The following TMED2 variants were observed in gnomAD, a reference collection of about 807,000 sequenced individuals.
The protein encoded by TMED2 is transmembrane p24 trafficking protein 2, also known as transmembrane emp24 domain-containing protein 2.
Under a neutral mutation model 17.5 loss-of-function variants are expected in TMED2, and 3 were observed. That is an observed-to-expected ratio of 0.17 (90% CI 0.08 to 0.44). TMED2 has a LOEUF of 0.44. Ranked by LOEUF, TMED2 falls within the 20% of genes least tolerant of loss-of-function variation. The pLI, the probability that TMED2 is intolerant of heterozygous loss-of-function variation, is 0.99. For synonymous variants in TMED2, 95 were observed against 91.0 expected, an observed-to-expected ratio of 1.04 and a Z score of -0.25; for missense variants, 149 against 254.8, an observed-to-expected ratio of 0.58 and a Z score of 2.83.
chr12:123,585,006 G>A (rs1364812486), intron 1 of TMED2, 190 bp downstream of exon 1: 3 of 676,020 alleles, frequency 4.4e-6, no homozygotes, highest in East Asian at 5.8e-5. Flanking sequence ...CTTTTCCCGC[G>A]ACTTGCCTGG....
chr12:123,586,959 G>A lies in TMED2; in HGVS notation c.373+20G>A. 6.4e-7 allele frequency: 1 copy of A among 1,558,434 alleles called. No homozygotes were observed. Among genetic ancestry groups the A allele is most frequent in the Non-Finnish European group, 8.7e-7 (1 of 1,149,914 alleles). ...CAGAAGGTGAGATGAACATTCAGAA[G>A]ATTTACATCACATTCCAAGAGCTAA... On this transcript the variant is annotated intron_variant, in intron 2 of 3. Transcript: ENST00000262225.
intron 3 of TMED2, among the ~76,000 whole-genome samples, chr12:123,591,865 G>C (rs1050760077): frequency 1.3e-5 from 2 of 152,158 alleles, no homozygotes; most frequent in Non-Finnish European, 2.9e-5. Context: ...GGGATTGCTT[G>C]GGAGCAAGCT....
chr12:123,584,981 A>C, intron 1 of TMED2, 165 bp downstream of exon 1: 4 of 830,512 alleles, frequency 4.8e-6, no homozygotes, highest in Non-Finnish European at 7.2e-6. Flanking sequence ...GGCCACGGCG[A>C]CCTCCTAACG....
At position 123,586,954 on chromosome 12, in the gene TMED2, CAGA is replaced by C. The variant is rs1420682148; in HGVS notation, c.373+19_373+21del. ...GGAAACAGAAGGTGAGATGAACATT[CAGA>C]AGATTTACATCACATTCCAAGAGCT... On this transcript the variant is annotated intron_variant, in intron 2 of 3. Coordinates refer to ENST00000262225, the MANE Select transcript of TMED2 (RefSeq NM_006815.4). 1.9e-6 allele frequency: 3 copies of C among 1,570,520 alleles called. No individual in the cohort carries two copies. Among genetic ancestry groups the C allele is most frequent in the Non-Finnish European group, 2.6e-6 (3 of 1,156,158 alleles).
intron 2 of TMED2, chr12:123,587,740 T>C (rs1953362048): frequency 1.9e-6 from 2 of 1,041,104 alleles, no homozygotes; most frequent in Admixed American, 8.4e-5. Context: ...AGAGTGTTTT[T>C]TTCTCTTAAA....
rs985401083 is a variant in TMED2 at position 123,587,747 on chromosome 12, T to TA, written c.373+814dup. 10 of 884,464 alleles carry TA rather than the reference T, an allele frequency of 1.1e-5. No individual in the cohort carries two copies. The Admixed American group carries it at 3.9e-4, about 34-fold the overall frequency. The allele number at this position is 884,464 out of a possible 1,614,324, so 54.8% of individuals were successfully genotyped here. A position where few individuals can be genotyped will look rare whatever the true frequency, so the allele number is the denominator to read the frequency against. ...TTGGCATGAGAGTGTTTTTTTCTCT[T>TA]AAAAAACCCCTACAACTAATTGGAT... is the stretch of plus-strand genomic sequence containing the variant. On this transcript the variant is annotated intron_variant, in intron 2 of 3. Coordinates refer to ENST00000262225, the MANE Select transcript of TMED2 (RefSeq NM_006815.4).
intron 3 of TMED2, among the ~76,000 whole-genome samples, chr12:123,593,015 C>T (rs1046643186): frequency 3.9e-5 from 6 of 151,968 alleles, no homozygotes; most frequent in African/African-American, 1.5e-4. Context: ...ACCAGCCTGG[C>T]CAAGAGAACA....
At position 123,597,774 on chromosome 12, in the gene TMED2, T is replaced by G. The variant is rs1953441973; in HGVS notation, c.*1045T>G. The G allele has an allele frequency of 6.6e-6, 1 of 152,274 alleles. No individual in the cohort carries two copies. The highest frequency in any genetic ancestry group is 2.1e-4 in the South Asian group (1 of 4,824). 9.4% of individuals were successfully genotyped at this position (152,274 alleles called of 1,614,324 possible). ...TGTTCTCTGATGATGGGTTTAAAAT[T>G]AAAAGAGCATCCGGTTTTGGTATGG... On this transcript the variant is annotated 3_prime_UTR_variant, in exon 4 of 4. Coordinates refer to ENST00000262225, the MANE Select transcript of TMED2 (RefSeq NM_006815.4).
chr12:123,588,254 C>T (rs1181113505), intron 2 of TMED2, among the ~76,000 whole-genome samples: 2 of 151,764 alleles, frequency 1.3e-5, no homozygotes, highest in African/African-American at 2.4e-5. Flanking sequence ...TTGTTTCACA[C>T]ATTTCATAGT....
Position 123,596,727 on chromosome 12 carries a change from TA to T in TMED2, c.*3del. ...KRFFEVRRVV[*>X] ...ATTTTTTGAAGTCCGGAGAGTTGTT[TA>T]AAAAGCCTCTTCCTGATGATCCCAA... On this transcript the variant is annotated frameshift_variant and stop_lost, in exon 4 of 4. Transcript: ENST00000262225. LOFTEE classifies it high-confidence loss of function. 1 of 1,604,886 alleles carries T rather than the reference TA, an allele frequency of 6.2e-7. No homozygotes were observed. The highest frequency in any genetic ancestry group is 1.1e-5 in the South Asian group (1 of 88,788).
At position 123,586,765 on chromosome 12, in the gene TMED2, A is replaced by G; in HGVS notation, c.199A>G (p.Lys67Glu). 6.2e-7 allele frequency: 1 copy of G among 1,603,140 alleles called. No homozygotes were observed. The highest frequency in any genetic ancestry group is 2.2e-5 in the East Asian group (1 of 44,664). The change falls in exon 2 of 4, where the codon AAA becomes GAA. Residue 67 changes from lysine (K) to glutamate (E), a missense_variant. Transcript: ENST00000262225. ...CCTCCAGATTACAGGACCAGATAAC[A>G]AAGGAATTTACAAAGGAGACAGAGA... is the stretch of plus-strand genomic sequence containing the variant. ...IDVEITGPDN[K>E]GIYKGDRESS...
intron 2 of TMED2, chr12:123,587,778 T>A (rs1953362352): frequency 1.7e-6 from 1 of 578,504 alleles, no homozygotes; most frequent in Non-Finnish European, 2.4e-6. Context: ...TGGATTGATA[T>A]TTTTTTTGGT....
chr12:123,588,718 G>A (rs902064999), intron 2 of TMED2, among the ~76,000 whole-genome samples: 5 of 152,170 alleles, frequency 3.3e-5, no homozygotes, highest in African/African-American at 1.2e-4. Flanking sequence ...AAGACTGGGG[G>A]TAGGTGCTAC....
intron 3 of TMED2, among the ~76,000 whole-genome samples, chr12:123,594,423 T>C (rs1054911300): frequency 2.6e-5 from 4 of 151,866 alleles, no homozygotes; most frequent in Non-Finnish European, 5.9e-5. Context: ...CATGAGCCAC[T>C]GTGCCCAGCC....
At chr12:123,592,449 CCG>C (rs1491290218) in intron 3 of TMED2, among the ~76,000 whole-genome samples, 3 of 3,248 alleles carry the variant, frequency 9.2e-4, no homozygotes, top group Non-Finnish European at 0.027. Flanking sequence ...CACATGTCTT[CCG>C]TCTTTAGGGT....
chr12:123,584,713 A>G lies in TMED2; in HGVS notation c.77A>G (p.Asp26Gly). 1.9e-6 allele frequency: 3 copies of G among 1,613,774 alleles called. No homozygotes were observed. Reference sequence around the variant, plus strand: ...GTCTCGGGCTATTTCGTTAGCATCGACGCCCATGCTGAAGAGTGCTTCTTT... The same window carrying G: ...GTCTCGGGCTATTTCGTTAGCATCGGCGCCCATGCTGAAGAGTGCTTCTTT... ...ATVSGYFVSI[D>G]AHAEECFFER... is the part of the protein sequence containing the mutation. The change falls in exon 1 of 4, where the codon GAC becomes GGC. Residue 26 changes from aspartate to glycine, a missense_variant. Physicochemically the swap from Asp to Gly is moderately conservative, Grantham distance 94. Transcript: ENST00000262225.
intron 3 of TMED2, among the ~76,000 whole-genome samples, chr12:123,592,894 A>G (rs1446543139): frequency 6.6e-6 from 1 of 151,938 alleles, no homozygotes. Flanking sequence ...ACATGGTGAA[A>G]CCCCGTCTCT....
chr12:123,589,272 G>A (rs551468095), intron 2 of TMED2, among the ~76,000 whole-genome samples: 86 of 152,320 alleles, frequency 5.6e-4, no homozygotes, highest in African/African-American at 1.9e-3. Flanking sequence ...AAGAATGTTT[G>A]AGTTGGTGTG....
rs535138344 is a variant in TMED2 at position 123,596,880 on chromosome 12, G to A, written c.*151G>A. ...GATTAATAGATATTGGGGGAAAAAC[G>A]CCTTTTTAGGAAAATTATAGTGAAA... is the stretch of plus-strand genomic sequence containing the variant. On this transcript the variant is annotated 3_prime_UTR_variant, in exon 4 of 4. Transcript: ENST00000262225. 1.6e-5 allele frequency: 15 copies of A among 951,302 alleles called. No homozygotes were observed. In the Admixed American group the frequency reaches 1.9e-4, roughly 12 times the overall value. The allele number at this position is 951,302 out of a possible 1,614,324, so 58.9% of individuals were successfully genotyped here. A position where few individuals can be genotyped will look rare whatever the true frequency, so the allele number is the denominator to read the frequency against.
Sources: allele counts gnomAD v4.1 joint callset (sites outside exome capture counted in the v4.1 genomes callset), GRCh38; gene constraint gnomAD v4.1.1; transcripts MANE v1.5; gene names NCBI Gene and HGNC (gene_info 2026-07-23, HGNC 2026-07-21).